Variants in NCKAP5 observed in about 807,000 individuals in gnomAD.
The protein encoded by NCKAP5 is NCK associated protein 5.
A neutral mutation model predicts 167.0 loss-of-function variants in NCKAP5; 92 were observed. The ratio of observed to expected loss-of-function variants is 0.55; its 90% CI spans 0.47 to 0.66. NCKAP5 has a LOEUF of 0.66. Ranked by LOEUF, NCKAP5 falls within the 30% of genes least tolerant of loss-of-function variation. The pLI is 0.00. For missense variants in NCKAP5, 2,378 were observed against 2,315.0 expected, an observed-to-expected ratio of 1.03 and a Z score of -0.56; for synonymous variants, 891 against 877.4, an observed-to-expected ratio of 1.02 and a Z score of -0.27.
intron 8 of NCKAP5, among the ~76,000 whole-genome samples, chr2:132,892,436 C>T (rs187780200): frequency 7.8e-4 from 119 of 152,292 alleles, no homozygotes; most frequent in African/African-American, 2.7e-3. Context: ...TCCCCCACCA[C>T]CAGATGTGCT....
intron 3 of NCKAP5, among the ~76,000 whole-genome samples, chr2:133,422,260 A>C (rs1418355781): frequency 6.6e-6 from 1 of 152,262 alleles, no homozygotes; most frequent in Non-Finnish European, 1.5e-5. Context: ...TACTCCCAGC[A>C]CAGGTTGCTC....
intron 3 of NCKAP5, among the ~76,000 whole-genome samples, chr2:133,326,368 C>T (rs1226173848): frequency 6.7e-6 from 1 of 148,318 alleles, no homozygotes; most frequent in Non-Finnish European, 1.5e-5. Flanking sequence ...GCAGGAGAAT[C>T]ACATGAACCA....
At chr2:133,318,580 AG>A (rs1264467298) in intron 3 of NCKAP5, among the ~76,000 whole-genome samples, 1 of 152,152 alleles carries the variant, frequency 6.6e-6, no homozygotes, top group African/African-American at 2.4e-5. Flanking sequence ...TCAGGAGAAA[AG>A]TTTCTTCTCT....
chr2:132,843,169 C>T (rs1224250838), intron 11 of NCKAP5, among the ~76,000 whole-genome samples: 2 of 152,028 alleles, frequency 1.3e-5, no homozygotes, highest in Non-Finnish European at 2.9e-5. Context: ...AATGAATATA[C>T]CTTATTGAAG....
the NCKAP5 span, among the ~76,000 whole-genome samples, chr2:133,670,470 G>C: frequency 8.5e-5 from 13 of 152,182 alleles, no homozygotes; most frequent in East Asian, 2.5e-3. Flanking sequence ...AATCTCCCTT[G>C]TGTGTACTAC....
chr2:133,607,323 A>G, the NCKAP5 span, among the ~76,000 whole-genome samples: 1 of 152,168 alleles, frequency 6.6e-6, no homozygotes, highest in Non-Finnish European at 1.5e-5. Context: ...ACTGTCAGAC[A>G]TGGGAGCTCC....
intron 19 of NCKAP5, among the ~76,000 whole-genome samples, chr2:132,682,997 C>A (rs1261078640): frequency 6.6e-6 from 1 of 151,674 alleles, no homozygotes; most frequent in Non-Finnish European, 1.5e-5. Context: ...TATTCTCCTG[C>A]CTCAGTCTCC....
chr2:132,686,319 C>A (rs774640327), intron 19 of NCKAP5, among the ~76,000 whole-genome samples: 7 of 152,180 alleles, frequency 4.6e-5, no homozygotes, highest in Non-Finnish European at 8.8e-5. Context: ...CTAACTTGTT[C>A]TCCCCACCTT....
intron 4 of NCKAP5, among the ~76,000 whole-genome samples, chr2:133,290,205 T>C (rs1449622769): frequency 6.6e-6 from 1 of 152,192 alleles, no homozygotes; most frequent in African/African-American, 2.4e-5. Context: ...AGTAGCTTGA[T>C]CTACATGTCT....
At chr2:132,683,110 C>A (rs944375564) in intron 19 of NCKAP5, among the ~76,000 whole-genome samples, 1 of 152,010 alleles carries the variant, frequency 6.6e-6, no homozygotes, top group African/African-American at 2.4e-5. Context: ...TTTCGAATAC[C>A]TGACCTCAGG....
At chr2:133,360,427 A>G (rs1277047356) in intron 3 of NCKAP5, among the ~76,000 whole-genome samples, 1 of 151,548 alleles carries the variant, frequency 6.6e-6, no homozygotes, top group Non-Finnish European at 1.5e-5. Flanking sequence ...ATTTGTTGCC[A>G]TGGGTACCCA....
the NCKAP5 span, among the ~76,000 whole-genome samples, chr2:133,658,084 C>T: frequency 6.6e-6 from 1 of 151,468 alleles, no homozygotes; most frequent in Admixed American, 6.6e-5. Flanking sequence ...AGAGTTCATC[C>T]ACCCCAACCA....
At chr2:133,377,071 A>T (rs1363002997) in intron 3 of NCKAP5, among the ~76,000 whole-genome samples, 2 of 152,250 alleles carry the variant, frequency 1.3e-5, no homozygotes, top group African/African-American at 4.8e-5. Flanking sequence ...ATACAAAAAA[A>T]GAAAATTCTT....
At chr2:132,995,266 A>G (rs536950413) in intron 6 of NCKAP5, among the ~76,000 whole-genome samples, 1 of 152,356 alleles carries the variant, frequency 6.6e-6, no homozygotes, top group East Asian at 1.9e-4. Context: ...GATGCTTGTA[A>G]TGACATTTAT....
intron 3 of NCKAP5, among the ~76,000 whole-genome samples, chr2:133,490,008 G>A (rs1372158171): frequency 1.3e-5 from 2 of 152,172 alleles, no homozygotes; most frequent in Non-Finnish European, 2.9e-5. Context: ...GGGCTGAGGG[G>A]AAATAGGCTC....
chr2:132,871,140 G>A (rs1235359910), intron 9 of NCKAP5, among the ~76,000 whole-genome samples: 1 of 152,126 alleles, frequency 6.6e-6, no homozygotes, highest in Non-Finnish European at 1.5e-5. Flanking sequence ...GAGGCCATAT[G>A]TTCCTTTATC....
At chr2:133,524,312 C>G (rs1208687121) in intron 2 of NCKAP5, among the ~76,000 whole-genome samples, 7 of 152,180 alleles carry the variant, frequency 4.6e-5, no homozygotes, top group African/African-American at 1.7e-4. Context: ...AATTTTTAAT[C>G]TGCAAACCCT....
At chr2:132,949,542 T>C (rs2076119186) in intron 8 of NCKAP5, among the ~76,000 whole-genome samples, 1 of 152,152 alleles carries the variant, frequency 6.6e-6, no homozygotes, top group African/African-American at 2.4e-5. Flanking sequence ...TGCCCCTTCC[T>C]CTGTCTCCAG....
At chr2:133,412,822 T>C (rs1435367369) in intron 3 of NCKAP5, among the ~76,000 whole-genome samples, 2 of 152,228 alleles carry the variant, frequency 1.3e-5, no homozygotes, top group African/African-American at 2.4e-5. Context: ...ACCTCTGTAG[T>C]TGTAATCCTC....
Sources: gnomAD v4.1 joint callset for allele counts (sites outside exome capture counted in the v4.1 genomes callset) on GRCh38, gnomAD v4.1.1 for gene constraint, MANE v1.5 for transcripts, NCBI Gene and HGNC (gene_info 2026-07-23, HGNC 2026-07-21) for gene names.